The following NRXN2 variants were observed in gnomAD, a reference collection of about 807,000 sequenced individuals.
The protein encoded by NRXN2 is neurexin-2-beta.
In NRXN2, 29 loss-of-function variants were observed where a neutral mutation model predicts 128.8. That is an observed-to-expected ratio of 0.23 (90% CI 0.17 to 0.31). The LOEUF (loss-of-function observed/expected upper bound fraction) is 0.31, where lower values mean the gene tolerates loss of function less well. Among genes scored for constraint, NRXN2 ranks in the 10% least tolerant of loss-of-function variants. The pLI, the probability that NRXN2 is intolerant of heterozygous loss-of-function variation, is 1.00. For missense variants in NRXN2, 1,881 were observed against 2,452.6 expected (o/e 0.77, Z 4.92); for synonymous variants, 1,098 against 1,075.2 (o/e 1.02, Z -0.41).
intron 17 of NRXN2, chr11:64,646,496 C>A (rs56105921): frequency 0.23 from 34,668 of 152,106 alleles, 4,221 homozygotes; most frequent in East Asian, 0.48. Context: ...CCCCCGAGGA[C>A]TAAATGAGCA....
chr11:64,695,039 G>A (rs1031620847), intron 3 of NRXN2, among the ~76,000 whole-genome samples: 4 of 152,172 alleles, frequency 2.6e-5, no homozygotes, highest in African/African-American at 4.8e-5. Context: ...TCCCTCAGGC[G>A]TGACAGCACC....
intron 22 of NRXN2, among the ~76,000 whole-genome samples, chr11:64,616,427 C>T (rs1295373270): frequency 6.6e-6 from 1 of 152,144 alleles, no homozygotes; most frequent in Non-Finnish European, 1.5e-5. Context: ...CAGGTCTCTG[C>T]GGTTCTGAAA....
chr11:64,667,416 G>A lies in NRXN2; in HGVS notation c.1632C>T (p.Ser544=). The A allele has an allele frequency of 6.2e-7, 1 of 1,614,188 alleles. No homozygotes were observed. Among genetic ancestry groups the A allele is most frequent in the Non-Finnish European group, 8.5e-7 (1 of 1,180,026 alleles). ...AGTCGGCCCGCTGAGCAGAGCTGTG[G>A]CTGCCAGCTCCACCCCCAGCCCGCC... The part of the protein sequence containing the change: ...QGRRAGGGAG[S]HSSAQRADYF... Residue 544 remains serine, a synonymous_variant, in exon 9 of 23, where the codon AGC becomes AGT. Transcript: ENST00000265459. The surrounding 1 kb of genome is among the most constrained non-coding windows in gnomAD (Gnocchi z 5.6).
At chr11:64,666,589 A>G (rs1415006451) in intron 9 of NRXN2, among the ~76,000 whole-genome samples, 1 of 151,702 alleles carries the variant, frequency 6.6e-6, no homozygotes, top group Non-Finnish European at 1.5e-5. Context: ...TCTGAGACAG[A>G]GTCTCGCTCT....
At position 64,667,328 on chromosome 11, in the gene NRXN2, T is replaced by C. The variant is rs1431872889; in HGVS notation, c.1720A>G (p.Ile574Val). The C allele has an allele frequency of 1.2e-5, 20 of 1,614,222 alleles. 2 individuals carry two copies. In the South Asian group the frequency reaches 2.2e-4, roughly 18 times the overall value. The change falls in exon 9 of 23, where the codon ATC (isoleucine) becomes GTC (valine). Residue 574 changes from isoleucine (I) to valine (V), a missense_variant. By Grantham distance (29) the Ile-to-Val change is conservative. This residue lies in a region of NRXN2 where 997 missense variants were observed against 1,240.8 expected (regional missense o/e 0.80). Coordinates refer to ENST00000265459, the MANE Select transcript of NRXN2 (RefSeq NM_015080.4). The surrounding 1 kb of genome is among the most constrained non-coding windows in gnomAD (Gnocchi z 5.6). ...TTGCGGCTGGATGCCCGCAGCTTGATGCCCCCAGATCCCATGTCCAGCAGA... is the reference window on the plus strand; with the variant it reads ...TTGCGGCTGGATGCCCGCAGCTTGACGCCCCCAGATCCCATGTCCAGCAGA... ...YLLLDMGSGGIKLRASSRKVN... is the reference protein window; with the variant it reads ...YLLLDMGSGGVKLRASSRKVN...
intron 22 of NRXN2, among the ~76,000 whole-genome samples, chr11:64,618,663 T>A (rs367651029): frequency 2.8e-4 from 43 of 152,288 alleles, no homozygotes; most frequent in African/African-American, 6.0e-4. Flanking sequence ...AATGGAGGCA[T>A]TGGAGTGTAC....
chr11:64,670,316 AC>A (rs1235362432), intron 7 of NRXN2, among the ~76,000 whole-genome samples: 1 of 151,336 alleles, frequency 6.6e-6, no homozygotes, highest in Non-Finnish European at 1.5e-5. Context: ...TCTTCCCTCC[AC>A]CCCACCCTAA....
chr11:64,640,204 C>T (rs949758824), intron 17 of NRXN2, among the ~76,000 whole-genome samples: 4 of 152,202 alleles, frequency 2.6e-5, no homozygotes, highest in African/African-American at 4.8e-5. Context: ...CTAAGGCCAA[C>T]ATTCCATACC....
At position 64,631,030 on chromosome 11, in the gene NRXN2, A is replaced by G. The variant is rs1172342639; in HGVS notation, c.3586-457T>C. 6.6e-6 allele frequency among the ~76,000 whole-genome samples: 1 copy of G among 152,178 alleles called. No homozygotes were observed. The highest frequency in any genetic ancestry group is 1.9e-4 in the East Asian group (1 of 5,186). On this transcript the variant is annotated intron_variant, in intron 18 of 22. Transcript: ENST00000265459. This position sits in a 1 kb window ranked among gnomAD's most constrained non-coding sequence, Gnocchi z 4.8. ...GACCCCCAGCCCCTCCCCAGTCCCCAGTCTCCAGCCTCTCCTCCCTGGTAT... is the reference window on the plus strand; with the variant it reads ...GACCCCCAGCCCCTCCCCAGTCCCCGGTCTCCAGCCTCTCCTCCCTGGTAT...
At chr11:64,675,273 A>C (rs1428494186) in intron 7 of NRXN2, 1 of 152,250 alleles carries the variant, frequency 6.6e-6, no homozygotes, top group East Asian at 1.9e-4. Context: ...TGGCCACCTG[A>C]GGTCTTAAAT....
intron 1 of NRXN2, among the ~76,000 whole-genome samples, chr11:64,716,031 C>T (rs753061668): frequency 5.3e-5 from 8 of 152,124 alleles, no homozygotes; most frequent in Non-Finnish European, 1.2e-4. Context: ...GAAGCGGTAG[C>T]CAAAGACCCT....
chr11:64,651,203 G>C lies in NRXN2; in HGVS notation c.2918+52C>G. ...AGCCAGGAGAGCTGTATGTGGTTCA[G>C]CAGGGGGAGGGGGCCACCTCCTTGA... On this transcript the variant is annotated intron_variant, in intron 14 of 22. Coordinates refer to ENST00000265459, the MANE Select transcript of NRXN2 (RefSeq NM_015080.4). The surrounding 1 kb of genome is among the most constrained non-coding windows in gnomAD (Gnocchi z 5.9). The C allele has an allele frequency of 6.2e-7, 1 of 1,610,676 alleles. No individual in the cohort carries two copies. The highest frequency in any genetic ancestry group is 1.8e-4 in the Middle Eastern group (1 of 5,636).
Position 64,631,290 on chromosome 11 carries a change from C to A in NRXN2, c.3586-717G>T, listed in dbSNP as rs911740138. Among the ~76,000 whole-genome samples the A allele has an allele frequency of 2.8e-5, 1 of 35,876 alleles. No homozygotes were observed. Among genetic ancestry groups the A allele is most frequent in the Non-Finnish European group, 5.5e-5 (1 of 18,286 alleles). 23.5% of individuals were successfully genotyped at this position (35,876 alleles called of 152,430 possible). A position where few individuals can be genotyped will look rare whatever the true frequency, so the allele number is the denominator to read the frequency against. On this transcript the variant is annotated intron_variant, in intron 18 of 22. Coordinates refer to ENST00000265459, the MANE Select transcript of NRXN2 (RefSeq NM_015080.4). The surrounding 1 kb of genome is among the most constrained non-coding windows in gnomAD (Gnocchi z 4.8). The stretch of plus-strand genomic sequence containing the variant: ...CCAAGAAAGGGGATCGTGGGGGTTT[C>A]GGGGTAGGGGGTGGAGCTAGGGGCT...
At chr11:64,655,948 G>C (rs975155513) in intron 11 of NRXN2, 2 of 152,264 alleles carry the variant, frequency 1.3e-5, no homozygotes, top group Non-Finnish European at 2.9e-5. Flanking sequence ...AGTGGTCTTC[G>C]TGGCACAGAC....
At chr11:64,659,414 G>C (rs907629066) in intron 11 of NRXN2, 2 of 152,262 alleles carry the variant, frequency 1.3e-5, no homozygotes, top group African/African-American at 4.8e-5. Flanking sequence ...CCCGTGAGAA[G>C]AACCTAACAG....
chr11:64,706,761 T>A (rs940029936), intron 2 of NRXN2, among the ~76,000 whole-genome samples: 1 of 152,176 alleles, frequency 6.6e-6, no homozygotes, highest in African/African-American at 2.4e-5. Flanking sequence ...CAACCAAGTT[T>A]ATTAATCAAT....
intron 7 of NRXN2, among the ~76,000 whole-genome samples, chr11:64,674,185 TTTTG>T (rs1036078250): frequency 6.6e-5 from 10 of 152,034 alleles, no homozygotes; most frequent in Non-Finnish European, 1.2e-4. Flanking sequence ...TTCTTCCTTT[TTTTG>T]TTTGTTTTGT....
intron 7 of NRXN2, among the ~76,000 whole-genome samples, chr11:64,670,710 C>T (rs562523086): frequency 6.6e-6 from 1 of 152,304 alleles, no homozygotes; most frequent in South Asian, 2.1e-4. Flanking sequence ...CATTAAAGAT[C>T]GCCTTATGAC....
intron 2 of NRXN2, among the ~76,000 whole-genome samples, chr11:64,706,705 C>G (rs1276093656): frequency 2.0e-5 from 3 of 152,162 alleles, no homozygotes; most frequent in Admixed American, 2.0e-4. Flanking sequence ...TTCCCTGTGT[C>G]CATGCCTTTG....
Sources: allele counts gnomAD v4.1 joint callset (sites outside exome capture counted in the v4.1 genomes callset), GRCh38; gene constraint gnomAD v4.1.1; regional missense constraint gnomAD v4.1.1; non-coding constraint Gnocchi (gnomAD v3.1); transcripts MANE v1.5; gene names NCBI Gene and HGNC (gene_info 2026-07-23, HGNC 2026-07-21).